The following ARID2 variants were observed in gnomAD, a reference collection of about 807,000 sequenced individuals.
ARID2 encodes AT-rich interaction domain 2.
A neutral mutation model predicts 184.6 loss-of-function variants in ARID2; 32 were observed. The ratio of observed to expected loss-of-function variants is 0.17; its 90% CI spans 0.13 to 0.23. The LOEUF (loss-of-function observed/expected upper bound fraction) is 0.23, where lower values mean the gene tolerates loss of function less well. Among genes scored for constraint, ARID2 ranks in the 10% least tolerant of loss-of-function variants. The probability of loss-of-function intolerance (pLI) is 1.00; values close to 1 mark genes in which losing one functional copy is unlikely to be tolerated. For synonymous variants in ARID2, 836 were observed against 772.6 expected (o/e 1.08, Z -1.36); for missense variants, 1,696 against 2,197.6 (o/e 0.77, Z 4.56).
chr12:45,771,356 CAAA>C (rs57398188), intron 3 of ARID2, among the ~76,000 whole-genome samples: 11 of 66,466 alleles, frequency 1.7e-4, no homozygotes, highest in Admixed American at 3.7e-4. Context: ...GAGTCCATGT[CAAA>C]AAAAAAAAAA....
intron 3 of ARID2, among the ~76,000 whole-genome samples, chr12:45,739,020 G>A (rs1391975370): frequency 6.6e-6 from 1 of 151,836 alleles, no homozygotes; most frequent in Non-Finnish European, 1.5e-5. Context: ...CCAGGCTAGA[G>A]TGCAGTGGTG....
chr12:45,731,536 C>A (rs984812908), intron 3 of ARID2, among the ~76,000 whole-genome samples: 1 of 152,180 alleles, frequency 6.6e-6, no homozygotes, highest in East Asian at 1.9e-4. Context: ...AAAATCATTA[C>A]AGGTGACACC....
intron 15 of ARID2, among the ~76,000 whole-genome samples, chr12:45,857,826 C>T (rs1235958986): frequency 6.6e-6 from 1 of 152,096 alleles, no homozygotes; most frequent in African/African-American, 2.4e-5. Context: ...GTGGCACACT[C>T]TTGGCTCACT....
chr12:45,849,286 A>G (rs1315153449), intron 13 of ARID2, among the ~76,000 whole-genome samples: 1 of 152,210 alleles, frequency 6.6e-6, no homozygotes, highest in African/African-American at 2.4e-5. Context: ...ATTATCTTCA[A>G]ATACAAAGAC....
At chr12:45,806,960 G>A (rs545498082) in intron 3 of ARID2, among the ~76,000 whole-genome samples, 2 of 152,284 alleles carry the variant, frequency 1.3e-5, no homozygotes, top group African/African-American at 4.8e-5. Context: ...TTAAAAAATA[G>A]TTGTTACTCT....
At chr12:45,778,499 A>G (rs1942030265) in intron 3 of ARID2, among the ~76,000 whole-genome samples, 1 of 152,166 alleles carries the variant, frequency 6.6e-6, no homozygotes, top group Non-Finnish European at 1.5e-5. Context: ...GAAGGCAGAG[A>G]GAGAAGTAAT....
intron 3 of ARID2, among the ~76,000 whole-genome samples, chr12:45,772,510 A>G (rs1407486426): frequency 6.6e-6 from 1 of 152,222 alleles, no homozygotes; most frequent in Non-Finnish European, 1.5e-5. Context: ...CAGGAGACAC[A>G]CTTCAGATTC....
intron 3 of ARID2, among the ~76,000 whole-genome samples, chr12:45,788,332 T>C (rs1384510351): frequency 6.6e-6 from 1 of 152,130 alleles, no homozygotes; most frequent in Non-Finnish European, 1.5e-5. Flanking sequence ...TGTGTCTGTT[T>C]TACATTGAGG....
intron 16 of ARID2, among the ~76,000 whole-genome samples, chr12:45,873,514 T>C (rs1943958957): frequency 6.6e-6 from 1 of 152,230 alleles, no homozygotes; most frequent in South Asian, 2.1e-4. Flanking sequence ...TCATTTGTGG[T>C]TATTTTAGAG....
chr12:45,780,228 T>C (rs1202449926), intron 3 of ARID2, among the ~76,000 whole-genome samples: 2 of 152,176 alleles, frequency 1.3e-5, no homozygotes, highest in Non-Finnish European at 2.9e-5. Context: ...GAACTTACAC[T>C]GCAGTTAGGG....
intron 16 of ARID2, among the ~76,000 whole-genome samples, chr12:45,887,015 C>A (rs1246911649): frequency 1.3e-5 from 2 of 152,182 alleles, no homozygotes; most frequent in African/African-American, 4.8e-5. Context: ...CTGCAGCAGA[C>A]CTGAATTTCT....
chr12:45,765,111 A>G (rs1454165420), intron 3 of ARID2, among the ~76,000 whole-genome samples: 3 of 152,228 alleles, frequency 2.0e-5, no homozygotes, highest in Non-Finnish European at 4.4e-5. Flanking sequence ...ATGAATGTGA[A>G]CATTTTTAAT....
intron 16 of ARID2, among the ~76,000 whole-genome samples, chr12:45,871,697 C>T (rs2138205457): frequency 6.6e-6 from 1 of 152,242 alleles, no homozygotes; most frequent in South Asian, 2.1e-4. Flanking sequence ...ATCATTCCTT[C>T]CTTTAATTAT....
Position 45,904,127 on chromosome 12 carries a change from G to A in ARID2, c.5364-807G>A, listed in dbSNP as rs185345372. On this transcript the variant is annotated intron_variant, in intron 20 of 20. Transcript: ENST00000334344. ...CATCAATATTGTGATCTTTTGGGTA[G>A]AAAATTTAAGATTGATAAGTTTTTA... Among the ~76,000 whole-genome samples, 283 of 152,172 alleles carry A rather than the reference G, an allele frequency of 1.9e-3. 1 individual carries two copies. Among genetic ancestry groups the A allele is most frequent in the African/African-American group, 6.2e-3 (259 of 41,524 alleles).
intron 3 of ARID2, among the ~76,000 whole-genome samples, chr12:45,797,816 A>G (rs987310065): frequency 6.6e-6 from 1 of 151,948 alleles, no homozygotes; most frequent in East Asian, 1.9e-4. Context: ...CTAGCTTTTT[A>G]TATCAGAGAA....
At position 45,772,405 on chromosome 12, in the gene ARID2, C is replaced by T. The variant is rs148803821; in HGVS notation, c.285-39013C>T. ...AGTAGTTAAGAGCCAGATTGGGTAACATAGCAAGACCCTGTTTACAAAAAT... is the reference window on the plus strand; with the variant it reads ...AGTAGTTAAGAGCCAGATTGGGTAATATAGCAAGACCCTGTTTACAAAAAT... On this transcript the variant is annotated intron_variant, in intron 3 of 20. Coordinates refer to ENST00000334344, the MANE Select transcript of ARID2 (RefSeq NM_152641.4). Among the ~76,000 whole-genome samples the T allele has an allele frequency of 5.5e-3, 832 of 152,194 alleles. 7 individuals are homozygous for T. Among genetic ancestry groups the T allele is most frequent in the African/African-American group, 0.019 (793 of 41,526 alleles).
At chr12:45,897,013 G>C (rs1418336680) in intron 20 of ARID2, among the ~76,000 whole-genome samples, 2 of 152,130 alleles carry the variant, frequency 1.3e-5, no homozygotes, top group Admixed American at 6.5e-5. Context: ...AATGTTGCAG[G>C]ACTCCCACTT....
chr12:45,732,071 G>GTT (rs750462284), intron 3 of ARID2, among the ~76,000 whole-genome samples: 4 of 137,014 alleles, frequency 2.9e-5, no homozygotes, highest in Non-Finnish European at 3.2e-5. Context: ...GTGATTTAGC[G>GTT]TTTTTTTTTT....
chr12:45,857,920 T>C (rs1943678818), intron 15 of ARID2, among the ~76,000 whole-genome samples: 1 of 152,096 alleles, frequency 6.6e-6, no homozygotes, highest in Non-Finnish European at 1.5e-5. Flanking sequence ...CTACCACACC[T>C]GTCTGATTTT....
Sources: allele counts gnomAD v4.1 joint callset (sites outside exome capture counted in the v4.1 genomes callset), GRCh38; gene constraint gnomAD v4.1.1; transcripts MANE v1.5; gene names NCBI Gene and HGNC (gene_info 2026-07-23, HGNC 2026-07-21).